ACOT11: variants seen among roughly 807,000 people sequenced by gnomAD.
ACOT11 encodes acyl-coenzyme A thioesterase 11.
In ACOT11, 69 loss-of-function variants were observed where a neutral mutation model predicts 77.5. The ratio of observed to expected loss-of-function variants is 0.89; its 90% CI spans 0.73 to 1.09. ACOT11 has a LOEUF of 1.09. Ranked by LOEUF, ACOT11 falls within the 50% of genes least tolerant of loss-of-function variation. The probability of loss-of-function intolerance (pLI) is 0.00; values close to 1 mark genes in which losing one functional copy is unlikely to be tolerated. For missense variants in ACOT11, 766 were observed against 813.7 expected (o/e 0.94, Z 0.71); for synonymous variants, 279 against 313.0 (o/e 0.89, Z 1.15).
intron 4 of ACOT11, among the ~76,000 whole-genome samples, 184 bp from the exon 5 acceptor site, chr1:54,593,757 C>A (rs535442722): frequency 2.6e-5 from 4 of 152,120 alleles, no homozygotes; most frequent in African/African-American, 9.7e-5. Context: ...CCAAGGTTTC[C>A]CGGGGACCCA....
chr1:54,557,478 C>CTATGTTG (rs1653303934), intron 1 of ACOT11, among the ~76,000 whole-genome samples: 1 of 151,726 alleles, frequency 6.6e-6, no homozygotes, highest in Non-Finnish European at 1.5e-5. Context: ...TAGAGTCTTG[C>CTATGTTG]TATGTTGCCC....
intron 8 of ACOT11, among the ~76,000 whole-genome samples, chr1:54,600,321 C>T (rs1643946146): frequency 1.3e-5 from 2 of 152,070 alleles, no homozygotes; most frequent in South Asian, 4.1e-4. Flanking sequence ...ATATAATGTC[C>T]ACACTCTGCA....
intron 15 of ACOT11, among the ~76,000 whole-genome samples, chr1:54,624,453 G>A (rs1644259612): frequency 6.6e-6 from 1 of 152,180 alleles, no homozygotes; most frequent in South Asian, 2.1e-4. Flanking sequence ...GCCTTCCCGA[G>A]GAGGGAACTG....
downstream of ACOT11, chr1:54,612,388 G>A (rs374611404): frequency 8.3e-6 from 7 of 847,566 alleles, no homozygotes; most frequent in South Asian, 1.6e-5. Context: ...GGGGTTGGAC[G>A]AAATGACCTT....
intron 1 of ACOT11, among the ~76,000 whole-genome samples, chr1:54,578,218 G>T (rs1276220859): frequency 1.3e-5 from 2 of 152,160 alleles, no homozygotes; most frequent in African/African-American, 4.8e-5. Flanking sequence ...TAAGAATCTG[G>T]CTCAGCCTCA....
In ACOT11 at chr1:54,597,378, A is replaced by G. The variant is rs772259284; in HGVS notation, c.727A>G (p.Met243Val). 3 of 1,613,664 alleles carry G rather than the reference A, an allele frequency of 1.9e-6. No individual in the cohort carries two copies. The highest frequency in any genetic ancestry group is 2.5e-6 in the Non-Finnish European group (3 of 1,179,892). Residue 243 changes from methionine (M) to valine (V), a missense_variant, in exon 7 of 16, where the codon ATG (methionine) becomes GTG (valine). Coordinates refer to ENST00000343744, the MANE Select transcript of ACOT11 (RefSeq NM_147161.4). ...GGGCAACACCTTTGGGGGCCAGATC[A>G]TGGCCTGGATGGAGAATGTGGCCAC... ...HQGNTFGGQI[M>V]AWMENVATIA...
At chr1:54,612,308 A>T (rs545842571), downstream of ACOT11, among the ~76,000 whole-genome samples, 175 of 151,910 alleles carry the variant, frequency 1.2e-3, no homozygotes, top group Middle Eastern at 0.01. Context: ...CTTGGGAGGT[A>T]GTGAGTAGCC....
At chr1:54,590,861 T>C (rs1036152748) in intron 3 of ACOT11, among the ~76,000 whole-genome samples, 2 of 152,222 alleles carry the variant, frequency 1.3e-5, no homozygotes, top group Non-Finnish European at 2.9e-5. Flanking sequence ...TTCAAGCGGT[T>C]CTTGTGACTC....
At chr1:54,569,164 C>T (rs1420373345) in intron 1 of ACOT11, among the ~76,000 whole-genome samples, 19 of 148,942 alleles carry the variant, frequency 1.3e-4, no homozygotes, top group Admixed American at 1.3e-3. Context: ...ATCTTGCTCT[C>T]TTGCCCAAGT....
rs765257577 is a variant in ACOT11 at position 54,592,553 on chromosome 1, C to T, written c.319C>T (p.Gln107Ter). 2 of 1,612,744 alleles carry T rather than the reference C, an allele frequency of 1.2e-6. No homozygotes were observed. The highest frequency in any genetic ancestry group is 2.2e-5 in the South Asian group (2 of 90,730). The change falls in exon 4 of 16, where the codon CAA becomes TAA. Residue 107 changes from glutamine to a stop codon, truncating the protein, a stop_gained. Coordinates refer to ENST00000343744, the MANE Select transcript of ACOT11 (RefSeq NM_147161.4). LOFTEE classifies it high-confidence loss of function. ...CTACTTTCCTCTCCCCAGTGTTGGA[C>T]AAGTGGTGAATATCAAGGCCAAGGT... The part of the protein sequence containing the change: ...IYFEHTISVG[Q>*]VVNIKAKVNR...
chr1:54,600,687 TAAATAAAGGAATAAAG>T (rs1643950808), intron 8 of ACOT11, among the ~76,000 whole-genome samples: 1 of 151,996 alleles, frequency 6.6e-6, no homozygotes, highest in South Asian at 2.1e-4. Flanking sequence ...TCTCAAAAAA[TAAATAAAGGAATAAAG>T]AAATAAAGAC....
At chr1:54,635,072 C>T (rs1463265450) in exon 17 of ACOT11, 2 of 329,750 alleles carry the variant, frequency 6.1e-6, no homozygotes, top group African/African-American at 4.3e-5. Context: ...TCAGTATTTA[C>T]CATAATAAAT....
At chr1:54,610,572 C>T (rs567673212), downstream of ACOT11, 30 of 1,606,968 alleles carry the variant, frequency 1.9e-5, no homozygotes, top group African/African-American at 2.3e-4. Context: ...GGCCCCAAAT[C>T]GCCAAGGTGA....
intron 1 of ACOT11, among the ~76,000 whole-genome samples, chr1:54,579,378 T>C (rs965533581): frequency 5.3e-5 from 8 of 152,206 alleles, no homozygotes; most frequent in African/African-American, 1.9e-4. Flanking sequence ...GCATCCTGTG[T>C]GTGTCCCGGG....
At chr1:54,589,823 AT>A (rs138329513) in intron 3 of ACOT11, among the ~76,000 whole-genome samples, 168 of 152,198 alleles carry the variant, frequency 1.1e-3, no homozygotes, top group African/African-American at 4.0e-3. Flanking sequence ...GATGCAAATA[AT>A]TGTAATTGGT....
downstream of ACOT11, among the ~76,000 whole-genome samples, chr1:54,614,488 A>C (rs115000680): frequency 5.4e-3 from 821 of 152,194 alleles, 11 homozygotes; most frequent in African/African-American, 0.018. Context: ...ATGTCAAGGA[A>C]GTTTCTAGGA....
At chr1:54,636,822 G>T in exon 17 of ACOT11, 1 of 155,340 alleles carries the variant, frequency 6.4e-6, no homozygotes. Context: ...CTTGAGATTA[G>T]GGAGTGGTTT....
rs1466135270 is a variant in ACOT11 at position 54,554,357 on chromosome 1, T to A, written c.33+6015T>A. Among the ~76,000 whole-genome samples, 182 of 119,690 alleles carry A rather than the reference T, an allele frequency of 1.5e-3. 2 individuals carry two copies. In the East Asian group the frequency reaches 0.016, roughly 10 times the overall value. 78.5% of individuals were successfully genotyped at this position (119,690 alleles called of 152,430 possible). A position where few individuals can be genotyped will look rare whatever the true frequency, so the allele number is the denominator to read the frequency against. On this transcript the variant is annotated intron_variant, in intron 1 of 15. Coordinates refer to ENST00000343744, the MANE Select transcript of ACOT11 (RefSeq NM_147161.4). ...TGTATATATATATATATATATTTTT[T>A]TTTTTTTTTTTTGAGATGGAGTCCT... is the stretch of plus-strand genomic sequence containing the variant.
intron 1 of ACOT11, among the ~76,000 whole-genome samples, chr1:54,563,157 A>T (rs1003762342): frequency 3.3e-5 from 5 of 152,196 alleles, no homozygotes; most frequent in African/African-American, 1.2e-4. Context: ...CTGATTTTTT[A>T]AAAATGTATT....
Sources: allele counts gnomAD v4.1 joint callset (sites outside exome capture counted in the v4.1 genomes callset), GRCh38; gene constraint gnomAD v4.1.1; transcripts MANE v1.5; gene names NCBI Gene and HGNC (gene_info 2026-07-23, HGNC 2026-07-21).